The following CLTCL1 variants were observed in gnomAD, a reference collection of about 807,000 sequenced individuals.
CLTCL1 encodes clathrin heavy chain like 1.
CLTCL1 carries 159 observed loss-of-function variants against 190.0 expected under a neutral mutation model. The ratio of observed to expected loss-of-function variants is 0.84; its 90% CI spans 0.74 to 0.95. CLTCL1 has a LOEUF of 0.95. Ranked by LOEUF, CLTCL1 falls within the 40% of genes least tolerant of loss-of-function variation. The pLI is 0.00. For missense variants in CLTCL1, 1,878 were observed against 2,033.4 expected (o/e 0.92, Z 1.47); for synonymous variants, 752 against 769.6 (o/e 0.98, Z 0.38).
At chr22:19,249,350 C>A (rs1464034923) in intron 3 of CLTCL1, among the ~76,000 whole-genome samples, 5 of 151,512 alleles carry the variant, frequency 3.3e-5, no homozygotes, top group African/African-American at 1.2e-4. Flanking sequence ...CAGAGCAAGA[C>A]CCTGTCTCAA....
At chr22:19,234,275 A>G (rs879951362) in intron 7 of CLTCL1, among the ~76,000 whole-genome samples, 1 of 152,228 alleles carries the variant, frequency 6.6e-6, no homozygotes, top group Non-Finnish European at 1.5e-5. Context: ...GTTGGGTGAG[A>G]GGTACGTATG....
chr22:19,192,271 T>C (rs1479771832), intron 26 of CLTCL1, among the ~76,000 whole-genome samples: 1 of 152,102 alleles, frequency 6.6e-6, no homozygotes, highest in East Asian at 1.9e-4. Flanking sequence ...TTCACCGTGT[T>C]AGCCAGGATG....
chr22:19,208,044 T>G (rs782004073), intron 22 of CLTCL1, 110 bp downstream of exon 22: 1 of 1,337,362 alleles, frequency 7.5e-7, no homozygotes, highest in African/African-American at 1.4e-5. Context: ...AAAACTGTCT[T>G]CGATGAAACC....
chr22:19,197,788 GCA>G (rs2084757781), intron 24 of CLTCL1, among the ~76,000 whole-genome samples: 1 of 152,182 alleles, frequency 6.6e-6, no homozygotes, highest in East Asian at 1.9e-4. Flanking sequence ...CCAGGAGCCA[GCA>G]CACTCTCTGG....
intron 30 of CLTCL1, chr22:19,182,789 G>A (rs1327279699): frequency 6.5e-6 from 1 of 152,906 alleles, no homozygotes; most frequent in Non-Finnish European, 1.5e-5. Context: ...AGATGACACT[G>A]CTGACACAGG....
intron 1 of CLTCL1, among the ~76,000 whole-genome samples, chr22:19,285,011 C>T (rs1479172640): frequency 1.3e-5 from 2 of 151,832 alleles, no homozygotes; most frequent in African/African-American, 4.8e-5. Context: ...CGCGGTGGCT[C>T]ACGCCTGTAA....
intron 1 of CLTCL1, among the ~76,000 whole-genome samples, chr22:19,288,549 T>C (rs192220776): frequency 4.6e-5 from 7 of 152,316 alleles, no homozygotes; most frequent in East Asian, 1.9e-4. Flanking sequence ...GATGAAGATA[T>C]AGAAGCACAA....
At chr22:19,246,528 G>C (rs2086425920) in intron 3 of CLTCL1, among the ~76,000 whole-genome samples, 1 of 151,834 alleles carries the variant, frequency 6.6e-6, no homozygotes, top group South Asian at 2.1e-4. Flanking sequence ...CCAGGCTGGA[G>C]TGCAATGGCG....
chr22:19,273,052 C>A (rs9617783), intron 2 of CLTCL1, among the ~76,000 whole-genome samples: 58,654 of 151,880 alleles, frequency 0.39, 12,199 homozygotes, highest in South Asian at 0.54. Flanking sequence ...CAGCACCCCC[C>A]CACACACCCT....
At chr22:19,287,032 T>G (rs1555990492) in intron 1 of CLTCL1, among the ~76,000 whole-genome samples, 1 of 152,184 alleles carries the variant, frequency 6.6e-6, no homozygotes, top group Non-Finnish European at 1.5e-5. Flanking sequence ...TGGAGCTGCT[T>G]TTTTGATATA....
intron 4 of CLTCL1, 124 bp downstream of exon 4, chr22:19,242,651 C>G: frequency 9.1e-7 from 1 of 1,098,820 alleles, no homozygotes; most frequent in Non-Finnish European, 1.3e-6. Flanking sequence ...GCACAGTTCT[C>G]AACACCACCA....
intron 1 of CLTCL1, among the ~76,000 whole-genome samples, chr22:19,286,613 A>C (rs2087916263): frequency 6.6e-6 from 1 of 152,156 alleles, no homozygotes; most frequent in African/African-American, 2.4e-5. Context: ...CTCTCCAGAC[A>C]CACACGGGTG....
chr22:19,224,742 G>C (rs1555954742), intron 13 of CLTCL1, among the ~76,000 whole-genome samples: 2 of 152,156 alleles, frequency 1.3e-5, no homozygotes, highest in Non-Finnish European at 2.9e-5. Context: ...TCAATCGTCT[G>C]CCATGGTCTT....
intron 19 of CLTCL1, among the ~76,000 whole-genome samples, chr22:19,215,435 A>G (rs1252094951): frequency 2.0e-5 from 3 of 152,228 alleles, no homozygotes; most frequent in Non-Finnish European, 4.4e-5. Context: ...GAGGAACCCC[A>G]GGTGGCTGGC....
At chr22:19,263,031 TAAA>T (rs782074357) in intron 2 of CLTCL1, among the ~76,000 whole-genome samples, 6 of 127,106 alleles carry the variant, frequency 4.7e-5, no homozygotes, top group African/African-American at 2.9e-5. Flanking sequence ...ACTCCATCTT[TAAA>T]AAAAAAAAAA....
intron 2 of CLTCL1, among the ~76,000 whole-genome samples, chr22:19,257,183 G>A (rs530720557): frequency 6.6e-6 from 1 of 152,242 alleles, no homozygotes; most frequent in South Asian, 2.1e-4. Context: ...CACACTTCCT[G>A]AATTTAAACC....
chr22:19,274,795 T>C (rs1420477467), intron 2 of CLTCL1, among the ~76,000 whole-genome samples: 1 of 151,354 alleles, frequency 6.6e-6, no homozygotes, highest in African/African-American at 2.4e-5. Flanking sequence ...AATGGCGCGA[T>C]CTCTGCTCAC....
intron 29 of CLTCL1, among the ~76,000 whole-genome samples, chr22:19,186,026 G>C (rs911789345): frequency 1.3e-5 from 2 of 152,204 alleles, no homozygotes; most frequent in Non-Finnish European, 2.9e-5. Flanking sequence ...TCACAGAACA[G>C]TCCAGAACAC....
intron 2 of CLTCL1, among the ~76,000 whole-genome samples, chr22:19,261,843 G>C (rs1261652331): frequency 6.6e-6 from 1 of 152,138 alleles, no homozygotes; most frequent in Non-Finnish European, 1.5e-5. Context: ...ATTTAGAACA[G>C]TACATAAACT....
Sources: allele counts gnomAD v4.1 joint callset (sites outside exome capture counted in the v4.1 genomes callset), GRCh38; gene constraint gnomAD v4.1.1; transcripts MANE v1.5; gene names NCBI Gene and HGNC (gene_info 2026-07-23, HGNC 2026-07-21).